Variants in NTM observed in about 807,000 individuals in gnomAD.
The protein encoded by NTM is IgLON family member 2.
A neutral mutation model predicts 42.1 loss-of-function variants in NTM; 13 were observed. That is an observed-to-expected ratio of 0.31 (90% CI 0.20 to 0.49). The LOEUF is 0.49. Among genes scored for constraint, NTM ranks in the 20% least tolerant of loss-of-function variants. The probability of loss-of-function intolerance (pLI) is 0.99; values close to 1 mark genes in which losing one functional copy is unlikely to be tolerated. For synonymous variants in NTM, 187 were observed against 179.2 expected (o/e 1.04, Z -0.35); for missense variants, 373 against 452.8 (o/e 0.82, Z 1.60).
Position 131,872,268 on chromosome 11 carries a change from T to C in NTM, c.83-39296T>C, listed in dbSNP as rs2047867190. Among the ~76,000 whole-genome samples, 3 of 152,342 alleles carry C rather than the reference T, an allele frequency of 2.0e-5. No homozygotes were observed. The South Asian group carries it at 6.2e-4, about 32-fold the overall frequency. On this transcript the variant is annotated intron_variant, in intron 1 of 8. Coordinates refer to ENST00000683400, the MANE Select transcript of NTM (RefSeq NM_001352005.2). ...CTTGAGAAAGTCCTCCCTGGAGTTT[T>C]ACTATGGCTCAGCAGCAACTGGCTT...
chr11:132,154,510 C>T (rs1352032693), intron 3 of NTM, among the ~76,000 whole-genome samples: 4 of 152,126 alleles, frequency 2.6e-5, no homozygotes. Context: ...ATTCTTCTTC[C>T]ATAGTATAGT....
At chr11:131,797,726 A>C (rs2091726648) in intron 1 of NTM, among the ~76,000 whole-genome samples, 1 of 152,240 alleles carries the variant, frequency 6.6e-6, no homozygotes, top group Admixed American at 6.5e-5. Context: ...TATTTGCTAG[A>C]AAATAACAAT....
intron 1 of NTM, among the ~76,000 whole-genome samples, chr11:131,424,706 C>T (rs1298961588): frequency 7.2e-6 from 1 of 139,650 alleles, no homozygotes; most frequent in Admixed American, 7.3e-5. Flanking sequence ...ACTGCAGGCA[C>T]CCACCACCAT....
chr11:132,125,298 TGTGTGTGGTGTGGTATGTGGTATATGTG>T (rs1417510116), intron 2 of NTM, among the ~76,000 whole-genome samples: 6 of 151,164 alleles, frequency 4.0e-5, no homozygotes, highest in African/African-American at 1.5e-4. Flanking sequence ...TGTGTGTGTG[TGTGTGTGGTGTGGTATGTGGTATATGTG>T]GTGTGTGGTG....
At chr11:132,091,013 G>A (rs1470398651) in intron 2 of NTM, among the ~76,000 whole-genome samples, 6 of 152,062 alleles carry the variant, frequency 3.9e-5, no homozygotes, top group Non-Finnish European at 7.4e-5. Flanking sequence ...TTCCACACAA[G>A]CCTTTACTGT....
intron 3 of NTM, among the ~76,000 whole-genome samples, chr11:132,189,309 A>T (rs544874030): frequency 7.2e-5 from 11 of 152,302 alleles, no homozygotes; most frequent in African/African-American, 2.4e-4. Context: ...CAATACTTCA[A>T]CTTGGAGACA....
intron 4 of NTM, among the ~76,000 whole-genome samples, chr11:132,223,059 A>C (rs2085489349): frequency 6.6e-6 from 1 of 152,232 alleles, no homozygotes; most frequent in Non-Finnish European, 1.5e-5. Context: ...ACCAGTCCAG[A>C]AAAGGATTTA....
At chr11:132,211,262 A>G (rs964049753) in intron 3 of NTM, among the ~76,000 whole-genome samples, 5 of 152,166 alleles carry the variant, frequency 3.3e-5, no homozygotes, top group Non-Finnish European at 5.9e-5. Flanking sequence ...AAACATTAAC[A>G]AGGAATGGCG....
intron 2 of NTM, among the ~76,000 whole-genome samples, chr11:132,138,709 G>A (rs2068488170): frequency 6.6e-6 from 1 of 152,110 alleles, no homozygotes; most frequent in Non-Finnish European, 1.5e-5. Flanking sequence ...CAAAGGAGCT[G>A]ATGCCCAAGG....
intron 1 of NTM, among the ~76,000 whole-genome samples, chr11:131,668,556 A>C (rs2069528806): frequency 6.6e-6 from 1 of 152,070 alleles, no homozygotes; most frequent in African/African-American, 2.4e-5. Context: ...GGCAGGATAT[A>C]ATGAGTCTAA....
At chr11:131,816,249 G>A (rs1022901025) in intron 1 of NTM, among the ~76,000 whole-genome samples, 1 of 152,180 alleles carries the variant, frequency 6.6e-6, no homozygotes, top group Non-Finnish European at 1.5e-5. Flanking sequence ...AAGCATCTCA[G>A]ATGCAACAAT....
chr11:131,733,804 C>T (rs2080052838), intron 1 of NTM, among the ~76,000 whole-genome samples: 1 of 152,122 alleles, frequency 6.6e-6, no homozygotes, highest in African/African-American at 2.4e-5. Flanking sequence ...TTCCAAAGTG[C>T]AGGAATTACA....
intron 2 of NTM, among the ~76,000 whole-genome samples, chr11:132,128,937 C>CAAAAAAA (rs66598841): frequency 3.0e-5 from 2 of 66,088 alleles, no homozygotes; most frequent in African/African-American, 6.0e-5. Context: ...GACACCATCT[C>CAAAAAAA]AAAAAAAAAA....
At chr11:132,309,946 C>G in intron 5 of NTM, 166 bp from the exon 6 acceptor site, 1 of 410,574 alleles carries the variant, frequency 2.4e-6, no homozygotes, top group Non-Finnish European at 3.3e-6. Context: ...ATCCCAATTA[C>G]TTGGGAAGCT....
intron 1 of NTM, among the ~76,000 whole-genome samples, chr11:131,510,434 T>G (rs1441437818): frequency 6.6e-6 from 1 of 152,094 alleles, no homozygotes; most frequent in African/African-American, 2.4e-5. Flanking sequence ...GCTTACCAAC[T>G]GCCCTTTCAT....
chr11:131,406,338 T>C (rs932110963), intron 1 of NTM, among the ~76,000 whole-genome samples: 4 of 152,220 alleles, frequency 2.6e-5, no homozygotes, highest in African/African-American at 4.8e-5. Context: ...TAACTTCATT[T>C]ACTTTCTGGT....
intron 2 of NTM, among the ~76,000 whole-genome samples, chr11:132,055,647 G>T (rs1370839908): frequency 1.4e-5 from 2 of 140,918 alleles, no homozygotes; most frequent in African/African-American, 2.7e-5. Flanking sequence ...GCATGTGTGT[G>T]TGAGAGAGAG....
chr11:131,732,524 A>G (rs994338659), intron 1 of NTM, among the ~76,000 whole-genome samples: 6 of 152,214 alleles, frequency 3.9e-5, no homozygotes, highest in African/African-American at 1.4e-4. Context: ...GTGAGATTTC[A>G]GAAGGGGAAA....
In NTM at chr11:131,950,539, C is replaced by A. The variant is rs572325490; in HGVS notation, c.167+38891C>A. Among the ~76,000 whole-genome samples the A allele has an allele frequency of 2.0e-5, 3 of 152,226 alleles. No individual in the cohort carries two copies. The East Asian group carries it at 5.8e-4, about 29-fold the overall frequency. ...CTTTCACCCTCATCCTTCCTTTGCA[C>A]GTTTAGGTCCTACATAAGCTGAAAA... On this transcript the variant is annotated intron_variant, in intron 2 of 8. Coordinates refer to ENST00000683400, the MANE Select transcript of NTM (RefSeq NM_001352005.2).
Sources: gnomAD v4.1 joint callset for allele counts (sites outside exome capture counted in the v4.1 genomes callset) on GRCh38, gnomAD v4.1.1 for gene constraint, MANE v1.5 for transcripts, NCBI Gene and HGNC (gene_info 2026-07-23, HGNC 2026-07-21) for gene names.